The following ANK3 variants were observed in gnomAD, a reference collection of about 807,000 sequenced individuals.
The protein encoded by ANK3 is ankyrin 3.
A neutral mutation model predicts 370.9 loss-of-function variants in ANK3; 57 were observed. The observed-to-expected ratio is 0.15, with a 90% CI of 0.12 to 0.19. ANK3 has a LOEUF of 0.19. Ranked by LOEUF, ANK3 falls within the 10% of genes least tolerant of loss-of-function variation. The pLI, the probability that ANK3 is intolerant of heterozygous loss-of-function variation, is 1.00. For missense variants in ANK3, 4,439 were observed against 5,302.1 expected (o/e 0.84, Z 5.06); for synonymous variants, 1,929 against 1,946.3 (o/e 0.99, Z 0.23).
At chr10:60,033,536 A>C (rs7097619) in intron 43 of ANK3, among the ~76,000 whole-genome samples, 2,313 of 98,282 alleles carry the variant, frequency 0.024, 150 homozygotes, top group African/African-American at 0.076. Context: ...AAAAAAAAAA[A>C]AAACTTGGAA....
chr10:60,698,317 G>T (rs1482247703), intron 1 of ANK3, among the ~76,000 whole-genome samples: 1 of 151,198 alleles, frequency 6.6e-6, no homozygotes, highest in Non-Finnish European at 1.5e-5. Flanking sequence ...CTGTAAACTA[G>T]TTCAACCATT....
intron 1 of ANK3, among the ~76,000 whole-genome samples, chr10:60,716,759 T>TC (rs2079796738): frequency 1.3e-5 from 2 of 152,224 alleles, no homozygotes; most frequent in African/African-American, 4.8e-5. Flanking sequence ...CAAGTGATCC[T>TC]CCTGCCTTGG....
intron 2 of ANK3, among the ~76,000 whole-genome samples, chr10:60,498,237 G>C (rs1595150152): frequency 6.6e-6 from 1 of 152,016 alleles, no homozygotes; most frequent in East Asian, 1.9e-4. Flanking sequence ...AATTTCATAA[G>C]AAAACAAAAC....
chr10:60,117,546 C>CGG (rs2093182669), intron 25 of ANK3, among the ~76,000 whole-genome samples: 2 of 152,228 alleles, frequency 1.3e-5, no homozygotes, highest in East Asian at 3.9e-4. Flanking sequence ...AGGTCAGGCA[C>CGG]GGTGGCTCAT....
chr10:60,270,392 T>C (rs1426612021), intron 4 of ANK3, among the ~76,000 whole-genome samples, 163 bp from the exon 5 acceptor site: 1 of 152,230 alleles, frequency 6.6e-6, no homozygotes, highest in Non-Finnish European at 1.5e-5. Flanking sequence ...CACCATGGCT[T>C]AAGCTAAATT....
chr10:60,323,954 G>A (rs759686875), intron 1 of ANK3, among the ~76,000 whole-genome samples: 1 of 152,202 alleles, frequency 6.6e-6, no homozygotes, highest in East Asian at 1.9e-4. Context: ...CATGGATGAT[G>A]TAGTAAGGGA....
intron 23 of ANK3, among the ~76,000 whole-genome samples, chr10:60,154,876 T>G (rs2095278844): frequency 1.5e-5 from 1 of 64,978 alleles, no homozygotes; most frequent in Non-Finnish European, 2.7e-5. Context: ...AACTACTGGC[T>G]TTTAGTTAAA....
chr10:60,592,342 A>G (rs1381604161), intron 2 of ANK3, among the ~76,000 whole-genome samples: 1 of 152,238 alleles, frequency 6.6e-6, no homozygotes, highest in Non-Finnish European at 1.5e-5. Context: ...GTATAGGACA[A>G]TGAATTAGAC....
At chr10:60,436,987 T>C (rs542245189) in intron 2 of ANK3, among the ~76,000 whole-genome samples, 1 of 152,328 alleles carries the variant, frequency 6.6e-6, no homozygotes, top group Non-Finnish European at 1.5e-5. Context: ...TGTTGTAGAC[T>C]GGAGTCAGAA....
chr10:60,689,731 G>A (rs61854519), intron 1 of ANK3, among the ~76,000 whole-genome samples: 21,476 of 148,700 alleles, frequency 0.14, 1,988 homozygotes, highest in South Asian at 0.26. Context: ...CTCAAGCCTG[G>A]GTGATGGAGC....
At chr10:60,063,053 A>C in intron 40 of ANK3, 58 bp downstream of exon 40, 2 of 1,533,494 alleles carry the variant, frequency 1.3e-6, no homozygotes, top group Non-Finnish European at 1.8e-6. Context: ...GCCTTGTCTG[A>C]CTGCACTTTC....
chr10:60,454,281 C>T (rs1390153489), intron 2 of ANK3, among the ~76,000 whole-genome samples: 1 of 152,128 alleles, frequency 6.6e-6, no homozygotes, highest in Non-Finnish European at 1.5e-5. Context: ...TCTGTATACA[C>T]TGGAAAATGA....
rs192445643 is a variant in ANK3, at chr10:60,687,615, G to A, written c.57+45648C>T. ...GATGCCCTTGCACACTATTGGTCACGATATAAAATAGCACAACGGCTATGG... is the reference window on the plus strand; with the variant it reads ...GATGCCCTTGCACACTATTGGTCACAATATAAAATAGCACAACGGCTATGG... On this transcript the variant is annotated intron_variant, in intron 1 of 43. Transcript: ENST00000373827. Among the ~76,000 whole-genome samples the A allele has an allele frequency of 3.9e-4, 60 of 152,146 alleles. 1 individual carries two copies. The highest frequency in any genetic ancestry group is 1.2e-3 in the African/African-American group (50 of 41,500).
rs1356809815 is a variant in ANK3, at chr10:60,644,515, C to T, written c.58-29291G>A. On this transcript the variant is annotated intron_variant, in intron 1 of 43. Coordinates refer to the ANK3 transcript ENST00000373827. ...TTGAACCAAATGAAGGCATAATTGT[C>T]TTTAAAAGTACCAATTTTTCTATTG... 3.3e-5 allele frequency among the ~76,000 whole-genome samples: 5 copies of T among 151,764 alleles called. No homozygotes were observed. The East Asian group carries it at 9.6e-4, about 29-fold the overall frequency.
chr10:60,223,410 C>A (rs757982958), intron 8 of ANK3, among the ~76,000 whole-genome samples: 23 of 152,200 alleles, frequency 1.5e-4, no homozygotes, highest in Non-Finnish European at 2.9e-4. Context: ...ATAAAGTCAG[C>A]TTTACTGTTT....
chr10:60,470,615 G>A (rs1346401050), intron 2 of ANK3, among the ~76,000 whole-genome samples: 2 of 152,058 alleles, frequency 1.3e-5, no homozygotes, highest in Non-Finnish European at 1.5e-5. Context: ...CCCGTGGCTG[G>A]TCAGTGATAG....
At chr10:60,226,599 T>C (rs2097167051) in intron 8 of ANK3, among the ~76,000 whole-genome samples, 1 of 96,892 alleles carries the variant, frequency 1.0e-5, no homozygotes, top group Non-Finnish European at 2.0e-5. Flanking sequence ...ATATATACTA[T>C]ATATAATCAA....
intron 1 of ANK3, among the ~76,000 whole-genome samples, chr10:60,347,387 T>A (rs1003758286): frequency 3.3e-5 from 5 of 151,780 alleles, no homozygotes; most frequent in Non-Finnish European, 7.4e-5. Context: ...TGCTTGTGTA[T>A]CTGTCTTTCT....
At chr10:60,542,783 G>T (rs923865397) in intron 2 of ANK3, among the ~76,000 whole-genome samples, 1 of 151,904 alleles carries the variant, frequency 6.6e-6, no homozygotes, top group South Asian at 2.1e-4. Context: ...TTCATTCTCT[G>T]AGTCATTAAT....
Sources: gnomAD v4.1 joint callset for allele counts (sites outside exome capture counted in the v4.1 genomes callset) on GRCh38, gnomAD v4.1.1 for gene constraint, MANE v1.5 for transcripts, NCBI Gene and HGNC (gene_info 2026-07-23, HGNC 2026-07-21) for gene names.